The following SSH2 variants were observed in gnomAD, a reference collection of about 807,000 sequenced individuals.
The protein encoded by SSH2 is protein phosphatase Slingshot homolog 2.
Under a neutral mutation model 135.2 loss-of-function variants are expected in SSH2, and 37 were observed. That is an observed-to-expected ratio of 0.27 (90% CI 0.21 to 0.36). The LOEUF is 0.36. Ranked by LOEUF, SSH2 falls within the 10% of genes least tolerant of loss-of-function variation. The probability of loss-of-function intolerance (pLI) is 1.00; values close to 1 mark genes in which losing one functional copy is unlikely to be tolerated. For missense variants in SSH2, 1,408 were observed against 1,765.3 expected, an observed-to-expected ratio of 0.80 and a Z score of 3.63; for synonymous variants, 628 against 646.2, an observed-to-expected ratio of 0.97 and a Z score of 0.43.
intron 2 of SSH2, among the ~76,000 whole-genome samples, chr17:29,811,679 C>T (rs2042445098): frequency 6.6e-6 from 1 of 151,958 alleles, no homozygotes; most frequent in Non-Finnish European, 1.5e-5. Flanking sequence ...AGTGATCCTT[C>T]CACCTCAGCC....
At chr17:29,925,342 T>C (rs1246447371) in intron 1 of SSH2, 5 of 391,056 alleles carry the variant, frequency 1.3e-5, no homozygotes, top group Non-Finnish European at 2.3e-5. Context: ...GGGTACAAAG[T>C]TTCCATTAGA....
chr17:29,745,674 A>C (rs1171649842), intron 3 of SSH2, among the ~76,000 whole-genome samples: 1 of 152,334 alleles, frequency 6.6e-6, no homozygotes, highest in South Asian at 2.1e-4. Context: ...ATAATGATGG[A>C]AATGACAGAA....
chr17:29,883,404 T>C (rs1456946221), intron 1 of SSH2, among the ~76,000 whole-genome samples: 1 of 152,190 alleles, frequency 6.6e-6, no homozygotes, highest in Non-Finnish European at 1.5e-5. Flanking sequence ...AGACACATTA[T>C]CCTATCGTGT....
chr17:29,696,751 A>G (rs987339869), intron 4 of SSH2, among the ~76,000 whole-genome samples: 2 of 149,674 alleles, frequency 1.3e-5, no homozygotes, highest in African/African-American at 4.9e-5. Context: ...CAGTGGTGCG[A>G]TCTCTGCTCT....
rs187403906 is a variant in SSH2 at position 29,765,514 on chromosome 17, T to C, written c.188+28380A>G. The stretch of plus-strand genomic sequence containing the variant: ...CACCTTAGTTTATTCACTGAGAAAA[T>C]GAAAATGTTTAGATTAGAGATTATC... On this transcript the variant is annotated intron_variant, in intron 3 of 15. Coordinates refer to ENST00000540801, the MANE Select transcript of SSH2 (RefSeq NM_001282129.2). Among the ~76,000 whole-genome samples, 8 of 152,218 alleles carry C rather than the reference T, an allele frequency of 5.3e-5. 1 individual carries two copies. Among genetic ancestry groups the C allele is most frequent in the Admixed American group, 4.6e-4 (7 of 15,290 alleles).
At chr17:29,920,480 G>A (rs1597511309) in intron 1 of SSH2, among the ~76,000 whole-genome samples, 1 of 152,164 alleles carries the variant, frequency 6.6e-6, no homozygotes, top group Non-Finnish European at 1.5e-5. Flanking sequence ...AAATTCCTAT[G>A]AGACTTGCAA....
chr17:29,649,113 C>G (rs904592261), intron 13 of SSH2, among the ~76,000 whole-genome samples: 27 of 151,758 alleles, frequency 1.8e-4, no homozygotes, highest in African/African-American at 6.1e-4. Flanking sequence ...TGCACTCTAG[C>G]CTGGGCAACA....
intron 2 of SSH2, among the ~76,000 whole-genome samples, chr17:29,843,452 G>A (rs1465580511): frequency 2.0e-5 from 3 of 152,084 alleles, no homozygotes; most frequent in Middle Eastern, 6.8e-3. Context: ...AGCTACTCAA[G>A]AGACTGAGGC....
chr17:29,769,763 C>G (rs2041527798), intron 3 of SSH2, among the ~76,000 whole-genome samples: 1 of 152,104 alleles, frequency 6.6e-6, no homozygotes, highest in Non-Finnish European at 1.5e-5. Context: ...CGAACGTGTC[C>G]AATTCATCCT....
chr17:29,643,160 T>C, intron 14 of SSH2: 2 of 985,422 alleles, frequency 2.0e-6, no homozygotes, highest in Non-Finnish European at 2.4e-6. Context: ...ATTTTTTTCT[T>C]TGCTCTTCTA....
chr17:29,741,059 A>G (rs1598913645), intron 3 of SSH2, among the ~76,000 whole-genome samples: 1 of 152,226 alleles, frequency 6.6e-6, no homozygotes, highest in East Asian at 1.9e-4. Context: ...TTCTACTCAA[A>G]TAGCTCACAA....
At chr17:29,661,887 A>G (rs2037059199) in intron 11 of SSH2, among the ~76,000 whole-genome samples, 2 of 152,180 alleles carry the variant, frequency 1.3e-5, no homozygotes, top group Admixed American at 6.5e-5. Context: ...AAGCCCATAC[A>G]AAGGGACTTG....
intron 15 of SSH2, among the ~76,000 whole-genome samples, chr17:29,633,263 A>G (rs2035765124): frequency 1.3e-5 from 2 of 152,154 alleles, no homozygotes; most frequent in Admixed American, 1.3e-4. Flanking sequence ...ATATTTTCCT[A>G]AGACTATGAG....
At chr17:29,902,701 C>A (rs1415503782) in intron 1 of SSH2, among the ~76,000 whole-genome samples, 1 of 151,912 alleles carries the variant, frequency 6.6e-6, no homozygotes, top group Admixed American at 6.6e-5. Flanking sequence ...CCTCTTCCCC[C>A]CTCCCTCACC....
chr17:29,785,466 T>C (rs181280922), intron 3 of SSH2, among the ~76,000 whole-genome samples: 29 of 151,734 alleles, frequency 1.9e-4, no homozygotes, highest in African/African-American at 6.3e-4. Flanking sequence ...TGTTTACAGT[T>C]AATATGTTTG....
intron 11 of SSH2, among the ~76,000 whole-genome samples, chr17:29,661,860 T>G (rs1473333161): frequency 6.6e-6 from 1 of 152,208 alleles, no homozygotes; most frequent in Non-Finnish European, 1.5e-5. Context: ...TTAAAGGCAC[T>G]GGTTACTGAC....
chr17:29,720,857 G>A (rs996078895), intron 3 of SSH2, among the ~76,000 whole-genome samples: 8 of 152,178 alleles, frequency 5.3e-5, no homozygotes, highest in African/African-American at 1.9e-4. Context: ...GCAAGTAGAA[G>A]TCACTGTCCT....
Position 29,632,195 on chromosome 17 carries a change from C to T in SSH2, c.2999G>A (p.Gly1000Glu), listed in dbSNP as rs372188567. 1.9e-6 allele frequency: 3 copies of T among 1,613,918 alleles called. No individual in the cohort carries two copies. The highest frequency in any genetic ancestry group is 1.1e-5 in the South Asian group (1 of 91,052). The stretch of plus-strand genomic sequence containing the variant: ...TTCCTGCTGTGTTCCAGTATCTGAC[C>T]CTGGGCCCTCCTGAGGATCTGGCAA... ...DHLPDPQEGP[G>E]SDTGTQQEGV... Residue 1000 changes from glycine to glutamate, a missense_variant, in exon 16 of 16, where the codon GGG becomes GAG. Physicochemically the swap from Gly to Glu is moderately conservative, Grantham distance 98. Transcript: ENST00000540801.
chr17:29,895,116 G>C (rs2066421175), intron 1 of SSH2, among the ~76,000 whole-genome samples: 1 of 149,402 alleles, frequency 6.7e-6, no homozygotes, highest in Non-Finnish European at 1.5e-5. Context: ...TCTATTTATA[G>C]ATAGATGTAT....
Sources: allele counts gnomAD v4.1 joint callset (sites outside exome capture counted in the v4.1 genomes callset), GRCh38; gene constraint gnomAD v4.1.1; transcripts MANE v1.5; gene names NCBI Gene and HGNC (gene_info 2026-07-23, HGNC 2026-07-21).